Variants in STXBP3 observed in about 807,000 individuals in gnomAD.
The protein encoded by STXBP3 is syntaxin-binding protein 3.
STXBP3 carries 41 observed loss-of-function variants against 85.7 expected under a neutral mutation model. That is an observed-to-expected ratio of 0.48 (90% confidence interval 0.37 to 0.62). The LOEUF (loss-of-function observed/expected upper bound fraction) is 0.62, where lower values mean the gene tolerates loss of function less well. Among genes scored for constraint, STXBP3 ranks in the 20% least tolerant of loss-of-function variants. The pLI is 0.00. For synonymous variants in STXBP3, 229 were observed against 231.7 expected, an observed-to-expected ratio of 0.99 and a Z score of 0.10; for missense variants, 563 against 703.1, an observed-to-expected ratio of 0.80 and a Z score of 2.25.
chr1:108,748,515 C>T (rs1277022), intron 1 of STXBP3, among the ~76,000 whole-genome samples: 33,024 of 151,748 alleles, frequency 0.22, 3,876 homozygotes, highest in Non-Finnish European at 0.26. Flanking sequence ...GAGCAAGACC[C>T]TGAGTCTAAA....
chr1:108,765,259 G>A (rs61797303), intron 6 of STXBP3, among the ~76,000 whole-genome samples: 10,306 of 152,298 alleles, frequency 0.068, 383 homozygotes, highest in Admixed American at 0.084. Context: ...CCAGTGTCAT[G>A]TTGCAAAACC....
intron 9 of STXBP3, chr1:108,779,864 A>G (rs1253774055): frequency 6.6e-6 from 1 of 152,270 alleles, no homozygotes; most frequent in African/African-American, 2.4e-5. Flanking sequence ...ATTGAGGACA[A>G]CAGGCATAGT....
intron 6 of STXBP3, among the ~76,000 whole-genome samples, chr1:108,768,024 CAT>C (rs1662306205): frequency 6.6e-6 from 1 of 152,140 alleles, no homozygotes; most frequent in African/African-American, 2.4e-5. Flanking sequence ...TTTAGCTGGG[CAT>C]ATATGGCTGT....
chr1:108,786,323 C>T (rs1282467000), intron 11 of STXBP3, among the ~76,000 whole-genome samples: 1 of 152,124 alleles, frequency 6.6e-6, no homozygotes. Context: ...ATCACAAGAA[C>T]AGCATGGGGG....
intron 2 of STXBP3, among the ~76,000 whole-genome samples, 184 bp from the exon 3 acceptor site, chr1:108,752,879 G>A (rs935849121): frequency 9.2e-5 from 14 of 152,090 alleles, no homozygotes; most frequent in African/African-American, 3.4e-4. Context: ...ACTTATGTAC[G>A]ATACTATATG....
intron 16 of STXBP3, among the ~76,000 whole-genome samples, chr1:108,799,729 A>G (rs1314357966): frequency 1.3e-5 from 2 of 152,222 alleles, no homozygotes; most frequent in African/African-American, 2.4e-5. Flanking sequence ...TATATAATCT[A>G]TGTATACAGT....
chr1:108,789,655 A>G (rs911176133), intron 11 of STXBP3, among the ~76,000 whole-genome samples: 5 of 152,192 alleles, frequency 3.3e-5, no homozygotes, highest in African/African-American at 1.2e-4. Context: ...TACGTTTTTA[A>G]ATTTCAAAGC....
At chr1:108,802,215 A>C (rs1036669419) in intron 17 of STXBP3, among the ~76,000 whole-genome samples, 1 of 151,900 alleles carries the variant, frequency 6.6e-6, no homozygotes, top group Admixed American at 6.6e-5. Context: ...TGATCAACAT[A>C]GTGAAACCCC....
chr1:108,761,878 C>A (rs558016229), intron 6 of STXBP3, among the ~76,000 whole-genome samples: 1 of 152,026 alleles, frequency 6.6e-6, no homozygotes, highest in African/African-American at 2.4e-5. Context: ...GAGCCTGAGG[C>A]AGGAGAATCA....
chr1:108,770,165 A>C (rs530690320), intron 6 of STXBP3, among the ~76,000 whole-genome samples: 1 of 152,178 alleles, frequency 6.6e-6, no homozygotes, highest in African/African-American at 2.4e-5. Context: ...GTGTGGTGGC[A>C]CATACCTGTG....
intron 11 of STXBP3, among the ~76,000 whole-genome samples, chr1:108,787,784 T>G (rs1295741636): frequency 6.6e-6 from 1 of 151,980 alleles, no homozygotes; most frequent in East Asian, 1.9e-4. Flanking sequence ...TGTTTTTTGT[T>G]TTTTTCTTTT....
chr1:108,764,625 G>T (rs1026529479), intron 6 of STXBP3, among the ~76,000 whole-genome samples: 41 of 152,190 alleles, frequency 2.7e-4, no homozygotes, highest in African/African-American at 9.6e-4. Flanking sequence ...TTGTGGTTTT[G>T]ATTTGCATTT....
intron 9 of STXBP3, chr1:108,781,544 A>G (rs1474514480): frequency 6.6e-6 from 1 of 152,182 alleles, no homozygotes; most frequent in East Asian, 1.9e-4. Flanking sequence ...CACAATTTTT[A>G]TGGCTTACAT....
At position 108,779,363 on chromosome 1, in the gene STXBP3, T is replaced by G. The variant is rs1662666746; in HGVS notation, c.762T>G (p.Phe254Leu). ...CCACTGTCCTGCATGAACTGACCTT[T>G]CAGGCAATGGCATATGATCTACTAC... ...PVSTVLHELT[F>L]QAMAYDLLPI... The change falls in exon 9 of 19, where the codon TTT (phenylalanine) becomes TTG (leucine). Residue 254 changes from phenylalanine to leucine, a missense_variant. This residue lies in a region of STXBP3 where 494 missense variants were observed against 592.8 expected (regional missense o/e 0.83). Transcript: ENST00000370008. 2.5e-6 allele frequency: 4 copies of G among 1,612,882 alleles called. No homozygotes were observed. The highest frequency in any genetic ancestry group is 1.7e-5 in the Admixed American group (1 of 59,930).
intron 4 of STXBP3, among the ~76,000 whole-genome samples, chr1:108,758,084 A>G (rs1171857760): frequency 2.0e-5 from 3 of 150,926 alleles, no homozygotes; most frequent in Non-Finnish European, 4.4e-5. Flanking sequence ...ACTGTGTCTC[A>G]CTTCAACACT....
chr1:108,794,754 C>G, intron 12 of STXBP3, 73 bp from the exon 13 acceptor site: 1 of 1,377,218 alleles, frequency 7.3e-7, no homozygotes, highest in Non-Finnish European at 1.0e-6. Flanking sequence ...AGGCCTGTCT[C>G]AAAAGTTTAA....
At chr1:108,759,919 G>A (rs533150885) in intron 5 of STXBP3, 66 bp from the exon 6 acceptor site, 2 of 967,996 alleles carry the variant, frequency 2.1e-6, no homozygotes, top group East Asian at 2.7e-5. Flanking sequence ...TTGGATGTTG[G>A]AATGATTTAT....
In STXBP3 at chr1:108,799,790, A is replaced by C. The variant is rs544744912; in HGVS notation, c.1450-430A>C. On this transcript the variant is annotated intron_variant, in intron 16 of 18. Coordinates refer to ENST00000370008, the MANE Select transcript of STXBP3 (RefSeq NM_007269.4). ...AAAATCTAACATTGAAAAAAGGGAA[A>C]ATTTTAAAGAATAAAATGAAAAGGA... 2.6e-5 allele frequency among the ~76,000 whole-genome samples: 4 copies of C among 152,298 alleles called. No individual in the cohort carries two copies. In the South Asian group the frequency reaches 6.2e-4, roughly 24 times the overall value.
At chr1:108,780,624 C>T (rs1278291960) in intron 9 of STXBP3, 1 of 151,128 alleles carries the variant, frequency 6.6e-6, no homozygotes, top group Non-Finnish European at 1.5e-5. Flanking sequence ...CTGCCTCGGC[C>T]TCCCAAAGTG....
Sources: gnomAD v4.1 joint callset for allele counts (sites outside exome capture counted in the v4.1 genomes callset) on GRCh38, gnomAD v4.1.1 for gene constraint, gnomAD v4.1.1 regional missense constraint, MANE v1.5 for transcripts, NCBI Gene and HGNC (gene_info 2026-07-23, HGNC 2026-07-21) for gene names.